The following FAT3 variants were observed in gnomAD, a reference collection of about 807,000 sequenced individuals.
The protein encoded by FAT3 is FAT atypical cadherin 3.
Under a neutral mutation model 310.2 loss-of-function variants are expected in FAT3, and 95 were observed. The ratio of observed to expected loss-of-function variants is 0.31; its 90% CI spans 0.26 to 0.36. The LOEUF (loss-of-function observed/expected upper bound fraction) is 0.36, where lower values mean the gene tolerates loss of function less well. Among genes scored for constraint, FAT3 ranks in the 10% least tolerant of loss-of-function variants. The probability of loss-of-function intolerance (pLI) is 1.00; values close to 1 mark genes in which losing one functional copy is unlikely to be tolerated. For missense variants in FAT3, 5,408 were observed against 5,715.6 expected, an observed-to-expected ratio of 0.95 and a Z score of 1.74; for synonymous variants, 2,314 against 2,192.9, an observed-to-expected ratio of 1.06 and a Z score of -1.54.
intron 4 of FAT3, among the ~76,000 whole-genome samples, chr11:92,753,651 A>T (rs1284739656): frequency 6.6e-6 from 1 of 152,100 alleles, no homozygotes; most frequent in East Asian, 1.9e-4. Context: ...GGAAAATAGT[A>T]TGGAGGTTCC....
At chr11:92,469,989 A>C (rs1202706800) in intron 2 of FAT3, among the ~76,000 whole-genome samples, 1 of 152,216 alleles carries the variant, frequency 6.6e-6, no homozygotes, top group African/African-American at 2.4e-5. Context: ...TCCAATTCCA[A>C]GTGCAGAAGG....
chr11:92,807,541 A>G (rs1388653300), intron 12 of FAT3, among the ~76,000 whole-genome samples: 1 of 152,216 alleles, frequency 6.6e-6, no homozygotes, highest in Non-Finnish European at 1.5e-5. Flanking sequence ...GTTTTAAGGT[A>G]TATGCTCGTA....
intron 3 of FAT3, among the ~76,000 whole-genome samples, chr11:92,681,493 G>A (rs1296226088): frequency 6.6e-6 from 1 of 152,198 alleles, no homozygotes; most frequent in Non-Finnish European, 1.5e-5. Flanking sequence ...GAATTTCAGG[G>A]CAGCTGGAAC....
Position 92,567,709 on chromosome 11 carries a change from A to C in FAT3, c.3607+42761A>C, listed in dbSNP as rs369555644. Among the ~76,000 whole-genome samples, 9 of 152,220 alleles carry C rather than the reference A, an allele frequency of 5.9e-5. No homozygotes were observed. In the East Asian group the frequency reaches 1.6e-3, roughly 26 times the overall value. On this transcript the variant is annotated intron_variant, in intron 3 of 27. Transcript: ENST00000525166. ...CACCATGGAATACTATGCAGCCATAAAAAATGATGAGTTCATGTTCTTTGT... is the reference window on the plus strand; with the variant it reads ...CACCATGGAATACTATGCAGCCATACAAAATGATGAGTTCATGTTCTTTGT...
At chr11:92,870,421 T>C (rs2136363281) in intron 22 of FAT3, among the ~76,000 whole-genome samples, 1 of 152,108 alleles carries the variant, frequency 6.6e-6, no homozygotes, top group South Asian at 2.1e-4. Context: ...AGTATAAATA[T>C]GACTCTATAA....
chr11:92,413,429 T>G (rs1335790142), intron 2 of FAT3, among the ~76,000 whole-genome samples: 2 of 152,242 alleles, frequency 1.3e-5, no homozygotes, highest in African/African-American at 4.8e-5. Context: ...TTAATCATCA[T>G]GATCATTTGT....
At chr11:92,413,521 T>A (rs1950341823) in intron 2 of FAT3, among the ~76,000 whole-genome samples, 1 of 152,150 alleles carries the variant, frequency 6.6e-6, no homozygotes, top group Non-Finnish European at 1.5e-5. Context: ...GTTCTTATCA[T>A]TTTCTTGTTT....
At chr11:92,862,578 G>A (rs748142209) in intron 21 of FAT3, among the ~76,000 whole-genome samples, 8 of 152,134 alleles carry the variant, frequency 5.3e-5, no homozygotes, top group Non-Finnish European at 1.0e-4. Context: ...CCCCTAAACT[G>A]AAAGGAGGAT....
intron 2 of FAT3, among the ~76,000 whole-genome samples, chr11:92,438,257 T>A (rs1950989764): frequency 6.6e-6 from 1 of 152,318 alleles, no homozygotes; most frequent in Non-Finnish European, 1.5e-5. Context: ...TCAACATAGA[T>A]CCTTTGTGAT....
At chr11:92,418,427 C>A (rs1363659114) in intron 2 of FAT3, among the ~76,000 whole-genome samples, 3 of 50,368 alleles carry the variant, frequency 6.0e-5, no homozygotes, top group Non-Finnish European at 9.0e-5. Context: ...ACACCCCCCC[C>A]ACCCCCCCAC....
intron 4 of FAT3, among the ~76,000 whole-genome samples, chr11:92,721,236 A>C (rs1045498434): frequency 6.6e-6 from 1 of 152,250 alleles, no homozygotes; most frequent in Non-Finnish European, 1.5e-5. Context: ...ATAAAATTAA[A>C]TGAAAGGTTA....
intron 13 of FAT3, among the ~76,000 whole-genome samples, chr11:92,822,285 T>G (rs766974223): frequency 4.6e-5 from 7 of 151,890 alleles, no homozygotes; most frequent in Non-Finnish European, 8.8e-5. Context: ...CTCACTCATG[T>G]GCTACCTCAT....
At chr11:92,606,459 G>A (rs1338320533) in intron 3 of FAT3, among the ~76,000 whole-genome samples, 1 of 152,146 alleles carries the variant, frequency 6.6e-6, no homozygotes, top group Non-Finnish European at 1.5e-5. Context: ...TGCAGCTCAG[G>A]CATGCTGGAG....
chr11:92,521,879 TC>T (rs957538192), intron 2 of FAT3, among the ~76,000 whole-genome samples: 3 of 152,134 alleles, frequency 2.0e-5, no homozygotes, highest in Non-Finnish European at 4.4e-5. Context: ...TCTTTGGTCT[TC>T]CTAGTATATC....
intron 3 of FAT3, among the ~76,000 whole-genome samples, chr11:92,547,862 G>C (rs1265257992): frequency 6.6e-6 from 1 of 152,172 alleles, no homozygotes; most frequent in Non-Finnish European, 1.5e-5. Flanking sequence ...CTAGAGTTTG[G>C]TCTAGAATCT....
intron 2 of FAT3, among the ~76,000 whole-genome samples, chr11:92,521,297 A>T (rs1016924199): frequency 1.3e-5 from 2 of 152,170 alleles, no homozygotes; most frequent in African/African-American, 4.8e-5. Flanking sequence ...TTCCCCAAAA[A>T]GGCCAGATAC....
chr11:92,366,754 A>G lies in FAT3; in HGVS notation c.3292+11350A>G, dbSNP rs529811749. On this transcript the variant is annotated intron_variant, in intron 2 of 27. Transcript: ENST00000525166. ...TCTGGGGAGCTATTTCTTCATTCCA[A>G]AAGAGTAGAGCTCTGGTGGTAGTGT... is the stretch of plus-strand genomic sequence containing the variant. 5 of 534,002 alleles carry G rather than the reference A, an allele frequency of 9.4e-6. No individual in the cohort carries two copies. In the East Asian group the frequency reaches 2.6e-4, roughly 28 times the overall value. The allele number at this position is 534,002 out of a possible 1,614,324, so 33.1% of individuals were successfully genotyped here.
At chr11:92,575,677 C>T (rs1938443872) in intron 3 of FAT3, among the ~76,000 whole-genome samples, 1 of 152,114 alleles carries the variant, frequency 6.6e-6, no homozygotes, top group African/African-American at 2.4e-5. Context: ...GAACTCCACA[C>T]TTGACACTTC....
At position 92,801,711 on chromosome 11, in the gene FAT3, G is replaced by C. The variant is rs1286532247; in HGVS notation, c.8698G>C (p.Glu2900Gln). The change falls in exon 10 of 28, where the codon GAG (glutamate) becomes CAG (glutamine). Residue 2900 changes from glutamate (E) to glutamine (Q), a missense_variant. Coordinates refer to ENST00000525166, the MANE Select transcript of FAT3 (RefSeq NM_001367949.2). ...TFSVVASDLG[E>Q]AFSLSSTALV... is the part of the protein sequence containing the mutation. ...CTCTGTGGTGGCCTCTGACCTTGGA[G>C]AGGCATTCTCTCTTTCCTCCACGGC... The C allele has an allele frequency of 6.2e-7, 1 of 1,613,950 alleles. No individual in the cohort carries two copies. Among genetic ancestry groups the C allele is most frequent in the Non-Finnish European group, 8.5e-7 (1 of 1,179,856 alleles).
Sources: allele counts gnomAD v4.1 joint callset (sites outside exome capture counted in the v4.1 genomes callset), GRCh38; gene constraint gnomAD v4.1.1; transcripts MANE v1.5; gene names NCBI Gene and HGNC (gene_info 2026-07-23, HGNC 2026-07-21).